The following RERE variants were observed in gnomAD, a reference collection of about 807,000 sequenced individuals.
The protein encoded by RERE is arginine-glutamic acid dipeptide repeats protein.
A neutral mutation model predicts 146.1 loss-of-function variants in RERE; 40 were observed. The observed-to-expected ratio is 0.27, with a 90% CI of 0.21 to 0.36. The LOEUF is 0.36. Among genes scored for constraint, RERE ranks in the 10% least tolerant of loss-of-function variants. The pLI, the probability that RERE is intolerant of heterozygous loss-of-function variation, is 1.00. For synonymous variants in RERE, 1,003 were observed against 866.0 expected, an observed-to-expected ratio of 1.16 and a Z score of -2.78; for missense variants, 1,933 against 2,138.7, an observed-to-expected ratio of 0.90 and a Z score of 1.90.
chr1:8,684,428 C>T (rs986509242), intron 1 of RERE, among the ~76,000 whole-genome samples: 92 of 151,760 alleles, frequency 6.1e-4, no homozygotes, highest in African/African-American at 2.2e-3. Context: ...CAAAAAACCC[C>T]GCCCTCCTCT....
At chr1:8,557,725 C>A (rs1376917532) in intron 4 of RERE, among the ~76,000 whole-genome samples, 1 of 152,218 alleles carries the variant, frequency 6.6e-6, no homozygotes, top group East Asian at 1.9e-4. Context: ...AGATCCCTCT[C>A]ACCTTACCCC....
chr1:8,389,249 C>T (rs1005847124), intron 12 of RERE, among the ~76,000 whole-genome samples: 5 of 152,164 alleles, frequency 3.3e-5, no homozygotes, highest in African/African-American at 1.2e-4. Context: ...CACAAGTAGC[C>T]TCAGGGGTAT....
In RERE at chr1:8,495,185, T is replaced by TTTA. The variant is rs766408613; in HGVS notation, c.1005-26_1005-24dup. The stretch of plus-strand genomic sequence containing the variant: ...CTCCTTCAGAAGAAAAGGTTTTTCC[T>TTTA]TTATTAGTACATAGTAATATCAGGA... On this transcript the variant is annotated intron_variant, in intron 9 of 22. Coordinates refer to ENST00000400908, the MANE Select transcript of RERE (RefSeq NM_001042681.2). 7 of 1,542,264 alleles carry TTTA rather than the reference T, an allele frequency of 4.5e-6. No individual in the cohort carries two copies. The Admixed American group carries it at 1.2e-4, about 26-fold the overall frequency.
chr1:8,732,903 G>C (rs1260890409), intron 1 of RERE, among the ~76,000 whole-genome samples: 3 of 131,784 alleles, frequency 2.3e-5, no homozygotes, highest in Non-Finnish European at 4.6e-5. Context: ...CTCACTGCAA[G>C]CTCCGCCTCC....
At chr1:8,457,864 G>A (rs1441581263) in intron 11 of RERE, among the ~76,000 whole-genome samples, 1 of 152,144 alleles carries the variant, frequency 6.6e-6, no homozygotes, top group Non-Finnish European at 1.5e-5. Context: ...GCCTCCCAAA[G>A]TGCTGGGATT....
chr1:8,375,316 T>A (rs907441749), intron 12 of RERE, among the ~76,000 whole-genome samples: 1 of 152,260 alleles, frequency 6.6e-6, no homozygotes, highest in Non-Finnish European at 1.5e-5. Context: ...ATCTCATCAT[T>A]ATTTTGTAAA....
chr1:8,793,741 T>C (rs535466111), intron 1 of RERE, among the ~76,000 whole-genome samples: 89 of 152,326 alleles, frequency 5.8e-4, no homozygotes, highest in African/African-American at 2.1e-3. Flanking sequence ...TCTTTGACTC[T>C]TCAGATCTTA....
At chr1:8,702,526 G>C (rs901280749) in intron 1 of RERE, among the ~76,000 whole-genome samples, 9 of 152,130 alleles carry the variant, frequency 5.9e-5, no homozygotes, top group African/African-American at 2.2e-4. Context: ...CCGCATTTTA[G>C]CTACTCTGGC....
At chr1:8,383,074 G>A (rs1053334034) in intron 12 of RERE, among the ~76,000 whole-genome samples, 7 of 151,050 alleles carry the variant, frequency 4.6e-5, no homozygotes, top group Non-Finnish European at 4.4e-5. Context: ...CCTCTATCAT[G>A]TTTCCCCTAG....
At chr1:8,697,221 C>T (rs992026220) in intron 1 of RERE, among the ~76,000 whole-genome samples, 2 of 152,076 alleles carry the variant, frequency 1.3e-5, no homozygotes, top group Admixed American at 6.5e-5. Flanking sequence ...AACTTGTCTG[C>T]GTCATTTTCC....
At chr1:8,407,904 A>G (rs1255412528) in intron 12 of RERE, among the ~76,000 whole-genome samples, 1 of 152,228 alleles carries the variant, frequency 6.6e-6, no homozygotes, top group South Asian at 2.1e-4. Context: ...AACCCTAGAG[A>G]GGTCTACCAT....
chr1:8,711,218 A>T (rs1370692871), intron 1 of RERE, among the ~76,000 whole-genome samples: 1 of 150,986 alleles, frequency 6.6e-6, no homozygotes, highest in Non-Finnish European at 1.5e-5. Flanking sequence ...AAGTATTTAA[A>T]GTATTATATC....
At chr1:8,757,744 C>T (rs777672057) in intron 1 of RERE, among the ~76,000 whole-genome samples, 5 of 152,124 alleles carry the variant, frequency 3.3e-5, no homozygotes, top group Non-Finnish European at 7.4e-5. Flanking sequence ...GCCAAACATT[C>T]AAAGTCTGTT....
intron 7 of RERE, among the ~76,000 whole-genome samples, chr1:8,540,368 C>T (rs1645785023): frequency 6.6e-6 from 1 of 152,150 alleles, no homozygotes; most frequent in Admixed American, 6.5e-5. Context: ...CCACTGTGGC[C>T]TCCTAAGGTT....
chr1:8,422,930 C>A, intron 11 of RERE, 123 bp from the exon 12 acceptor site: 1 of 714,602 alleles, frequency 1.4e-6, no homozygotes, highest in South Asian at 1.6e-5. Context: ...GGGAATACTG[C>A]CGAGGCTCGG....
chr1:8,403,043 C>T (rs565338588), intron 12 of RERE, among the ~76,000 whole-genome samples: 4 of 152,108 alleles, frequency 2.6e-5, no homozygotes, highest in East Asian at 1.9e-4. Flanking sequence ...GGACTACAGG[C>T]GCGCACCACC....
At chr1:8,509,788 T>C (rs1438727814) in intron 7 of RERE, among the ~76,000 whole-genome samples, 1 of 152,164 alleles carries the variant, frequency 6.6e-6, no homozygotes, top group Non-Finnish European at 1.5e-5. Flanking sequence ...AGCATGACCC[T>C]GTCTATAAAA....
At chr1:8,566,137 A>G (rs1017735201) in intron 4 of RERE, among the ~76,000 whole-genome samples, 2 of 152,118 alleles carry the variant, frequency 1.3e-5, no homozygotes, top group African/African-American at 4.8e-5. Context: ...ACCTTGGTGT[A>G]TTTTAGTGTA....
chr1:8,387,606 ACAAT>A (rs1158729214), intron 12 of RERE, among the ~76,000 whole-genome samples: 2 of 152,238 alleles, frequency 1.3e-5, no homozygotes, highest in Non-Finnish European at 2.9e-5. Flanking sequence ...CTAGAAAAAG[ACAAT>A]CAAATTGAAA....
Sources: allele counts gnomAD v4.1 joint callset (sites outside exome capture counted in the v4.1 genomes callset), GRCh38; gene constraint gnomAD v4.1.1; transcripts MANE v1.5; gene names NCBI Gene and HGNC (gene_info 2026-07-23, HGNC 2026-07-21).